The following ERVMER34-1 variants were observed in gnomAD, a reference collection of about 807,000 sequenced individuals.
ERVMER34-1 encodes endogenous retrovirus group MER34 member 1, envelope, also known as endogenous retroviral envelope protein HEMO.
For synonymous variants in ERVMER34-1, 199 were observed against 111.7 expected (o/e 1.78, Z -4.93); for missense variants, 471 against 295.1 (o/e 1.60, Z -4.37).
chr4:52,746,651 A>C (rs1716163200), intron 2 of ERVMER34-1, among the ~76,000 whole-genome samples: 1 of 152,164 alleles, frequency 6.6e-6, no homozygotes, highest in Admixed American at 6.5e-5. Flanking sequence ...TTAAACATGC[A>C]GTGAGAACAG....
In ERVMER34-1 at chr4:52,744,737, A is replaced by T; in HGVS notation, c.784T>A (p.Cys262Ser). 1.4e-6 allele frequency: 1 copy of T among 704,168 alleles called. No homozygotes were observed. Among genetic ancestry groups the T allele is most frequent in the Non-Finnish European group, 2.6e-6 (1 of 385,002 alleles). 43.6% of individuals were successfully genotyped at this position (704,168 alleles called of 1,614,324 possible). A position where few individuals can be genotyped will look rare whatever the true frequency, so the allele number is the denominator to read the frequency against. ...GLTEAHGKWR[C>S]ADASITNDKG... ...TCATTAGTTATGCTGGCATCTGCAC[A>T]TCTCCATTTCCCATGTGCCTCTGTC... The change falls in exon 3 of 3, where the codon TGT (cysteine) becomes AGT (serine). Residue 262 changes from cysteine (C) to serine (S), a missense_variant. Physicochemically the swap from Cys to Ser is moderately radical, Grantham distance 112 (BLOSUM62 -1). Transcript: ENST00000443173.
intron 2 of ERVMER34-1, among the ~76,000 whole-genome samples, chr4:52,750,541 G>A (rs1716261280): frequency 6.6e-6 from 1 of 152,068 alleles, no homozygotes; most frequent in South Asian, 2.1e-4. Context: ...TCTGACTCAC[G>A]TTCATTGTCG....
In ERVMER34-1 at chr4:52,744,911, C is replaced by G; in HGVS notation, c.610G>C (p.Gly204Arg). The change falls in exon 3 of 3, where the codon GGT becomes CGT. Residue 204 changes from glycine to arginine, a missense_variant. Transcript: ENST00000443173. ...TWNSSAVPLI[G>R]LPNTQDYKWV... Reference sequence around the variant, plus strand: ...TTGTAGTCTTGGGTATTGGGCAGACCAATCAAGGGAACAGCTGAGCTGTTC... The same window carrying G: ...TTGTAGTCTTGGGTATTGGGCAGACGAATCAAGGGAACAGCTGAGCTGTTC... 1 of 704,096 alleles carries G rather than the reference C, an allele frequency of 1.4e-6. No individual in the cohort carries two copies. The highest frequency in any genetic ancestry group is 2.6e-6 in the Non-Finnish European group (1 of 385,000). The allele number at this position is 704,096 out of a possible 1,614,324, so 43.6% of individuals were successfully genotyped here. A position where few individuals can be genotyped will look rare whatever the true frequency, so the allele number is the denominator to read the frequency against.
At chr4:52,748,180 AG>A in intron 2 of ERVMER34-1, 2 of 253,064 alleles carry the variant, frequency 7.9e-6, no homozygotes, top group Non-Finnish European at 1.6e-5. Flanking sequence ...AGAAGGGTTA[AG>A]TAAGTCTCCA....
In ERVMER34-1 at chr4:52,745,311, G is replaced by C; in HGVS notation, c.210C>G (p.Thr70=). The change falls in exon 3 of 3, where the codon ACC becomes ACG. Residue 70 remains threonine (T), a synonymous_variant. Coordinates refer to ENST00000443173, the MANE Select transcript of ERVMER34-1 (RefSeq NM_001242690.2). The stretch of plus-strand genomic sequence containing the variant: ...TTTCATACATCCATTGTCCAGAATA[G>C]GTCCACCAGGTGCTTGCACTGGCAG... ...FVPASASTWW[T]YSGQWMYERV... 1.4e-6 allele frequency: 1 copy of C among 704,006 alleles called. No homozygotes were observed. Among genetic ancestry groups the C allele is most frequent in the Non-Finnish European group, 2.6e-6 (1 of 385,000 alleles). The allele number at this position is 704,006 out of a possible 1,614,324, so 43.6% of individuals were successfully genotyped here.
chr4:52,749,963 AGAT>A lies in ERVMER34-1; in HGVS notation c.-424+964_-424+966del, dbSNP rs746634651. Among the ~76,000 whole-genome samples the A allele has an allele frequency of 1.8e-3, 276 of 152,114 alleles. 1 individual carries two copies. The highest frequency in any genetic ancestry group is 6.4e-3 in the African/African-American group (265 of 41,494). Reference sequence around the variant, plus strand: ...GTCCTTGGCAGTTTGGAAACCCCATAGATGATGATGATGATGATTTGAGACGGA... The same window carrying A: ...GTCCTTGGCAGTTTGGAAACCCCATAGATGATGATGATGATTTGAGACGGA... On this transcript the variant is annotated intron_variant, in intron 2 of 2. Coordinates refer to ENST00000443173, the MANE Select transcript of ERVMER34-1 (RefSeq NM_001242690.2).
At position 52,744,134 on chromosome 4, in the gene ERVMER34-1, C is replaced by T; in HGVS notation, c.1387G>A (p.Glu463Lys). The T allele has an allele frequency of 1.4e-6, 1 of 704,094 alleles. No homozygotes were observed. Among genetic ancestry groups the T allele is most frequent in the South Asian group, 1.5e-5 (1 of 67,594 alleles). The allele number at this position is 704,094 out of a possible 1,614,324, so 43.6% of individuals were successfully genotyped here. ...ACATTCTTCAGGTTCTCGGATGCTT[C>T]GTGGAGACGCTGTATATTAGACTTT... ...EIKSNIQRLH[E>K]ASENLKNVPL... is the part of the protein sequence containing the mutation. The change falls in exon 3 of 3, where the codon GAA becomes AAA. Residue 463 changes from glutamate to lysine, a missense_variant. Glu to Lys is a moderately conservative substitution (Grantham distance 56). Transcript: ENST00000443173.
chr4:52,749,737 C>A (rs960491821), intron 2 of ERVMER34-1, among the ~76,000 whole-genome samples: 1 of 152,026 alleles, frequency 6.6e-6, no homozygotes, highest in Admixed American at 6.5e-5. Context: ...TGCAGTGAGC[C>A]GAGATGGCAG....
chr4:52,745,087 C>T lies in ERVMER34-1; in HGVS notation c.434G>A (p.Cys145Tyr), dbSNP rs777413460. The T allele has an allele frequency of 1.3e-5, 9 of 704,120 alleles. No homozygotes were observed. The highest frequency in any genetic ancestry group is 1.2e-4 in the South Asian group (8 of 67,600). The allele number at this position is 704,120 out of a possible 1,614,324, so 43.6% of individuals were successfully genotyped here. The change falls in exon 3 of 3, where the codon TGT (cysteine) becomes TAT (tyrosine). Residue 145 changes from cysteine to tyrosine, a missense_variant. Physicochemically the swap from Cys to Tyr is radical, Grantham distance 194. Transcript: ENST00000443173. ...PFLGNIPKQYCNQILWFDSTD... is the reference protein window; with the variant it reads ...PFLGNIPKQYYNQILWFDSTD... ...AGAATCAAACCATAGTATTTGATTA[C>T]AGTATTGTTTAGGTATATTACCTAG...
rs1716077706 is a variant in ERVMER34-1, at chr4:52,744,001, A to G, written c.1520T>C (p.Ile507Thr). 1 of 724,240 alleles carries G rather than the reference A, an allele frequency of 1.4e-6. No homozygotes were observed. The highest frequency in any genetic ancestry group is 2.5e-6 in the Non-Finnish European group (1 of 403,480). The allele number at this position is 724,240 out of a possible 1,614,324, so 44.9% of individuals were successfully genotyped here. A position where few individuals can be genotyped will look rare whatever the true frequency, so the allele number is the denominator to read the frequency against. The change falls in exon 3 of 3, where the codon ATC becomes ACC. Residue 507 changes from isoleucine to threonine, a missense_variant. By Grantham distance (89) the Ile-to-Thr change is moderately conservative. Coordinates refer to ENST00000443173, the MANE Select transcript of ERVMER34-1 (RefSeq NM_001242690.2). ...AGATTTGCGAAAGACACGAACATAG[A>G]TTAAAACAAAGATGAATAAGCAGAA... ...VLFCLFIFVL[I>T]YVRVFRKSRR...
rs181273725 is a variant in ERVMER34-1, at chr4:52,745,559, G to A, written c.-39C>T. The A allele has an allele frequency of 8.2e-4, 553 of 676,082 alleles. 4 individuals carry two copies. The African/African-American group carries it at 8.9e-3, about 11-fold the overall frequency. 41.9% of individuals were successfully genotyped at this position (676,082 alleles called of 1,614,324 possible). ...GCTAGATTAAAACAAGCAAACTCCA[G>A]ACAATGGAGATTCAATGAAAGGGGA... On this transcript the variant is annotated 5_prime_UTR_variant, in exon 3 of 3. Transcript: ENST00000443173.
chr4:52,746,755 C>G lies in ERVMER34-1; in HGVS notation c.-423-812G>C, dbSNP rs561033229. Among the ~76,000 whole-genome samples the G allele has an allele frequency of 8.5e-5, 13 of 152,218 alleles. No homozygotes were observed. The South Asian group carries it at 2.5e-3, about 29-fold the overall frequency. ...ACTCTTTGCAGTATGCTTACCATCT[C>G]TAGAGTCTTGGTGAGATTTACAAGT... On this transcript the variant is annotated intron_variant, in intron 2 of 2. Transcript: ENST00000443173.
In ERVMER34-1 at chr4:52,744,993, A is replaced by G. The variant is rs1393022912; in HGVS notation, c.528T>C (p.Ser176=). The change falls in exon 3 of 3, where the codon AGT becomes AGC. Residue 176 remains serine (S), a synonymous_variant. Transcript: ENST00000443173. ...AACATTGTCTAGTGCCTAGGCAAACACTTGTATCATCATCATCGTTCCTGG... is the reference window on the plus strand; with the variant it reads ...AACATTGTCTAGTGCCTAGGCAAACGCTTGTATCATCATCATCGTTCCTGG... ...NESRNDDDDT[S]VCLGTRQCSW... 4.3e-6 allele frequency: 3 copies of G among 704,040 alleles called. No homozygotes were observed. In the African/African-American group the frequency reaches 5.2e-5, roughly 12 times the overall value. 43.6% of individuals were successfully genotyped at this position (704,040 alleles called of 1,614,324 possible).
chr4:52,745,215 C>G lies in ERVMER34-1; in HGVS notation c.306G>C (p.Trp102Cys), dbSNP rs530587775. 1.4e-6 allele frequency: 1 copy of G among 704,056 alleles called. No homozygotes were observed. Among genetic ancestry groups the G allele is most frequent in the African/African-American group, 1.7e-5 (1 of 57,346 alleles). The allele number at this position is 704,056 out of a possible 1,614,324, so 43.6% of individuals were successfully genotyped here. Residue 102 changes from tryptophan to cysteine, a missense_variant, in exon 3 of 3, where the codon TGG becomes TGC. Transcript: ENST00000443173. The stretch of plus-strand genomic sequence containing the variant: ...GACCTTGAGCTTCCATGGAGGCTTC[C>G]CAGTGCCAAGTCACTTTACGATAGG... ...TSSYRKVTWH[W>C]EASMEAQGLS...
rs771816182 is a variant in ERVMER34-1, at chr4:52,744,259, C to T, written c.1262G>A (p.Arg421Gln). The T allele has an allele frequency of 4.3e-6, 3 of 704,102 alleles. No homozygotes were observed. Among genetic ancestry groups the T allele is most frequent in the South Asian group, 1.5e-5 (1 of 67,582 alleles). 43.6% of individuals were successfully genotyped at this position (704,102 alleles called of 1,614,324 possible). Residue 421 changes from arginine (R) to glutamine (Q), a missense_variant, in exon 3 of 3, where the codon CGA (arginine) becomes CAA (glutamine). Coordinates refer to ENST00000443173, the MANE Select transcript of ERVMER34-1 (RefSeq NM_001242690.2). Reference protein sequence around the residue: ...SKVSSLASASRKDHVLDIPTT... With the variant: ...SKVSSLASASQKDHVLDIPTT... ...CGGTATATCCAAGACATGATCCTTT[C>T]GGGATGCAGAGGCTAAACTGCTAAC... is the stretch of plus-strand genomic sequence containing the variant.
chr4:52,743,860 G>T lies in ERVMER34-1; in HGVS notation c.1661C>A (p.Thr554Lys). 1 of 1,520,350 alleles carries T rather than the reference G, an allele frequency of 6.6e-7. No homozygotes were observed. Among genetic ancestry groups the T allele is most frequent in the Non-Finnish European group, 8.8e-7 (1 of 1,138,986 alleles). 94.2% of individuals were successfully genotyped at this position (1,520,350 alleles called of 1,614,324 possible). Residue 554 changes from threonine to lysine, a missense_variant, in exon 3 of 3, where the codon ACA (threonine) becomes AAA (lysine). By Grantham distance (78) the Thr-to-Lys change is moderately conservative. Transcript: ENST00000443173. Reference sequence around the variant, plus strand: ...TAGACTTGTGTCATATTGATGGGTTGTTAGTCCCTTCATTGCCCTATTTGA... The same window carrying T: ...TAGACTTGTGTCATATTGATGGGTTTTTAGTCCCTTCATTGCCCTATTTGA... ...QVSNRAMKGL[T>K]THQYDTSLL
At chr4:52,750,390 A>G (rs66927665) in intron 2 of ERVMER34-1, among the ~76,000 whole-genome samples, 17,742 of 152,162 alleles carry the variant, frequency 0.12, 1,057 homozygotes, top group East Asian at 0.2. Context: ...TCCTACATAA[A>G]TTATTATTGT....
rs537086615 is a variant in ERVMER34-1 at position 52,743,817 on chromosome 4, G to A, written c.*12C>T. On this transcript the variant is annotated 3_prime_UTR_variant, in exon 3 of 3. Coordinates refer to ENST00000443173, the MANE Select transcript of ERVMER34-1 (RefSeq NM_001242690.2). Reference sequence around the variant, plus strand: ...GGCTTTTTGTCTGCAGCTGCTGTTTGTTCAGATATTCTCAAAGTAGACTTG... The same window carrying A: ...GGCTTTTTGTCTGCAGCTGCTGTTTATTCAGATATTCTCAAAGTAGACTTG... 2.0e-6 allele frequency: 3 copies of A among 1,465,976 alleles called. No homozygotes were observed. The South Asian group carries it at 4.2e-5, about 21-fold the overall frequency. 90.8% of individuals were successfully genotyped at this position (1,465,976 alleles called of 1,614,324 possible).
At position 52,745,102 on chromosome 4, in the gene ERVMER34-1, A is replaced by G; in HGVS notation, c.419T>C (p.Ile140Thr). ...TATTTGATTACAGTATTGTTTAGGT[A>G]TATTACCTAGGAAGGGTCCACTGCC... ...KNGSGPFLGN[I>T]PKQYCNQILW... Residue 140 changes from isoleucine (I) to threonine (T), a missense_variant, in exon 3 of 3, where the codon ATA becomes ACA. Ile to Thr is a moderately conservative substitution (Grantham distance 89). Transcript: ENST00000443173. 3 of 704,154 alleles carry G rather than the reference A, an allele frequency of 4.3e-6. No homozygotes were observed. The highest frequency in any genetic ancestry group is 2.7e-5 in the East Asian group (1 of 37,292). The allele number at this position is 704,154 out of a possible 1,614,324, so 43.6% of individuals were successfully genotyped here. A position where few individuals can be genotyped will look rare whatever the true frequency, so the allele number is the denominator to read the frequency against.
Sources: gnomAD v4.1 joint callset for allele counts (sites outside exome capture counted in the v4.1 genomes callset) on GRCh38, gnomAD v4.1.1 for gene constraint, MANE v1.5 for transcripts, NCBI Gene and HGNC (gene_info 2026-07-23, HGNC 2026-07-21) for gene names.